Variants in RASAL2 observed in about 807,000 individuals in gnomAD.
RASAL2 encodes the protein RAS protein activator like 2.
RASAL2 carries 58 observed loss-of-function variants against 128.9 expected under a neutral mutation model. That is an observed-to-expected ratio of 0.45 (90% confidence interval 0.36 to 0.56). RASAL2 has a LOEUF of 0.56. RASAL2 is among the 20% of genes least tolerant of loss of function. The pLI, the probability that RASAL2 is intolerant of heterozygous loss-of-function variation, is 0.00. For missense variants in RASAL2, 1,360 were observed against 1,601.6 expected, an observed-to-expected ratio of 0.85 and a Z score of 2.57; for synonymous variants, 561 against 580.8, an observed-to-expected ratio of 0.97 and a Z score of 0.49.
In RASAL2 at chr1:178,315,410, T is replaced by C. The variant is rs1474758606; in HGVS notation, c.457+15292T>C. Among the ~76,000 whole-genome samples the C allele has an allele frequency of 5.6e-5, 8 of 142,360 alleles. No homozygotes were observed. In the East Asian group the frequency reaches 1.6e-3, roughly 28 times the overall value. The allele number at this position is 142,360 out of a possible 152,430, so 93.4% of individuals were successfully genotyped here. On this transcript the variant is annotated intron_variant, in intron 3 of 17. Coordinates refer to ENST00000367649, the MANE Select transcript of RASAL2 (RefSeq NM_170692.4). The stretch of plus-strand genomic sequence containing the variant: ...AACTAGTTTACAGTCCCACCAACAG[T>C]GTAAAACTGTTCCTATTTCTCCACA...
intron 1 of RASAL2, among the ~76,000 whole-genome samples, chr1:178,242,881 T>G (rs1664580594): frequency 6.6e-6 from 1 of 152,014 alleles, no homozygotes; most frequent in Admixed American, 6.5e-5. Context: ...ATTTCTTTTA[T>G]AAGGTTTTTT....
At chr1:178,411,546 G>T in intron 4 of RASAL2, 1 of 612,256 alleles carries the variant, frequency 1.6e-6, no homozygotes, top group South Asian at 1.8e-5. Context: ...TAAAACTATT[G>T]AATAAAAATA....
chr1:178,274,741 C>T (rs1666414442), intron 1 of RASAL2, among the ~76,000 whole-genome samples: 1 of 152,072 alleles, frequency 6.6e-6, no homozygotes. Flanking sequence ...GTGCAAGCCA[C>T]CACACCTGGC....
intron 1 of RASAL2, among the ~76,000 whole-genome samples, chr1:178,134,364 G>A (rs1231247868): frequency 1.3e-5 from 2 of 151,726 alleles, no homozygotes; most frequent in Non-Finnish European, 2.9e-5. Flanking sequence ...AAGCTGAGGT[G>A]GGAGGATTGC....
At chr1:178,402,878 G>A (rs1673737257) in intron 4 of RASAL2, among the ~76,000 whole-genome samples, 1 of 151,988 alleles carries the variant, frequency 6.6e-6, no homozygotes, top group South Asian at 2.1e-4. Flanking sequence ...AAAAAAAATA[G>A]TATTTCACAT....
chr1:178,187,070 C>T (rs1294115081), intron 1 of RASAL2, among the ~76,000 whole-genome samples: 1 of 152,092 alleles, frequency 6.6e-6, no homozygotes, highest in East Asian at 1.9e-4. Flanking sequence ...TAAAGCAATC[C>T]TCCTGCCTCG....
chr1:178,274,359 C>T (rs1218422995), intron 1 of RASAL2, among the ~76,000 whole-genome samples: 1 of 151,948 alleles, frequency 6.6e-6, no homozygotes, highest in Non-Finnish European at 1.5e-5. Flanking sequence ...GAAAGTGATG[C>T]GATCCAATTC....
intron 3 of RASAL2, among the ~76,000 whole-genome samples, chr1:178,335,508 C>G (rs997809239): frequency 1.3e-5 from 2 of 152,028 alleles, no homozygotes; most frequent in African/African-American, 4.8e-5. Flanking sequence ...GAATATGTTC[C>G]TCTCCTTTCC....
At chr1:178,144,523 C>T (rs1660652598) in intron 1 of RASAL2, among the ~76,000 whole-genome samples, 2 of 152,078 alleles carry the variant, frequency 1.3e-5, no homozygotes, top group Admixed American at 1.3e-4. Context: ...CATCACTGTG[C>T]TTGACACGTA....
intron 3 of RASAL2, chr1:178,341,344 G>A: frequency 9.4e-7 from 1 of 1,065,394 alleles, no homozygotes; most frequent in Non-Finnish European, 1.2e-6. Flanking sequence ...CAGTGAGTGA[G>A]TAAGGAAGGG....
intron 1 of RASAL2, among the ~76,000 whole-genome samples, chr1:178,143,375 A>C (rs1312407124): frequency 1.3e-5 from 2 of 151,992 alleles, no homozygotes; most frequent in Non-Finnish European, 2.9e-5. Context: ...ACCTTCATTG[A>C]GAATGCGTGG....
chr1:178,427,858 CAAGATA>C (rs1330999352), intron 5 of RASAL2, among the ~76,000 whole-genome samples: 1 of 152,044 alleles, frequency 6.6e-6, no homozygotes, highest in African/African-American at 2.4e-5. Flanking sequence ...CTACCATGAT[CAAGATA>C]AAGAACTGTT....
intron 1 of RASAL2, among the ~76,000 whole-genome samples, chr1:178,248,828 G>A (rs937869826): frequency 1.3e-5 from 2 of 152,112 alleles, no homozygotes; most frequent in Non-Finnish European, 2.9e-5. Context: ...GAAATTCTGG[G>A]TTGAAAATTC....
intron 3 of RASAL2, among the ~76,000 whole-genome samples, chr1:178,323,072 G>A (rs1025048592): frequency 2.6e-5 from 4 of 152,078 alleles, no homozygotes; most frequent in Non-Finnish European, 4.4e-5. Context: ...ATTAACTCTT[G>A]GCAATCTTTT....
At chr1:178,347,808 C>T (rs1670229723) in intron 3 of RASAL2, among the ~76,000 whole-genome samples, 1 of 152,120 alleles carries the variant, frequency 6.6e-6, no homozygotes, top group Non-Finnish European at 1.5e-5. Flanking sequence ...TATTTATGTA[C>T]CCAATAGCAA....
intron 1 of RASAL2, among the ~76,000 whole-genome samples, chr1:178,248,441 T>C (rs1451778842): frequency 6.6e-6 from 1 of 152,200 alleles, no homozygotes; most frequent in East Asian, 1.9e-4. Context: ...ATGTGTGTCT[T>C]TGCATGTGAG....
At chr1:178,470,658 G>C in intron 17 of RASAL2, 1 of 1,359,032 alleles carries the variant, frequency 7.4e-7, no homozygotes, top group Non-Finnish European at 9.8e-7. Flanking sequence ...CCTAGTTACT[G>C]TTGCAAGTGA....
chr1:178,224,928 A>T (rs1009402948), intron 1 of RASAL2, among the ~76,000 whole-genome samples: 2 of 152,164 alleles, frequency 1.3e-5, no homozygotes, highest in African/African-American at 4.8e-5. Context: ...AGAATATCTA[A>T]GAGTTAGTGC....
chr1:178,149,195 A>T (rs1182644494), intron 1 of RASAL2, among the ~76,000 whole-genome samples: 1 of 152,160 alleles, frequency 6.6e-6, no homozygotes, highest in Non-Finnish European at 1.5e-5. Flanking sequence ...CCTTTTAGAG[A>T]TTCTAAACTT....
Sources: gnomAD v4.1 joint callset for allele counts (sites outside exome capture counted in the v4.1 genomes callset) on GRCh38, gnomAD v4.1.1 for gene constraint, MANE v1.5 for transcripts, NCBI Gene and HGNC (gene_info 2026-07-23, HGNC 2026-07-21) for gene names.